The following SLC17A5 variants were observed in gnomAD, a reference collection of about 807,000 sequenced individuals.
SLC17A5 encodes the protein solute carrier family 17 member 5, also known as sialin.
A neutral mutation model predicts 59.4 loss-of-function variants in SLC17A5; 47 were observed. The observed-to-expected ratio is 0.79, with a 90% CI of 0.63 to 1.01. The LOEUF is 1.01. SLC17A5 is among the 50% of genes least tolerant of loss of function. The pLI, the probability that SLC17A5 is intolerant of heterozygous loss-of-function variation, is 0.00. For synonymous variants in SLC17A5, 202 were observed against 210.7 expected (o/e 0.96, Z 0.36); for missense variants, 522 against 595.5 (o/e 0.88, Z 1.28).
At chr6:73,634,486 G>A (rs1371407577) in intron 6 of SLC17A5, among the ~76,000 whole-genome samples, 2 of 152,158 alleles carry the variant, frequency 1.3e-5, no homozygotes, top group Non-Finnish European at 2.9e-5. Context: ...TGCAACCTCT[G>A]CCTCCTGGGT....
intron 3 of SLC17A5, 96 bp downstream of exon 3, chr6:73,641,595 T>G: frequency 1.1e-6 from 1 of 894,768 alleles, no homozygotes; most frequent in South Asian, 1.7e-5. Flanking sequence ...TCCAACGTTA[T>G]TTTTTGGTTC....
chr6:73,624,201 C>T (rs1215729622), intron 6 of SLC17A5, among the ~76,000 whole-genome samples: 1 of 151,034 alleles, frequency 6.6e-6, no homozygotes, highest in East Asian at 2.0e-4. Context: ...GCCAACAGTT[C>T]GAGACCAACC....
rs1465386173 is a variant in SLC17A5 at position 73,602,469 on chromosome 6, C to CAAA, written c.1260-2031_1260-2029dup. Among the ~76,000 whole-genome samples, 27 of 151,532 alleles carry CAAA rather than the reference C, an allele frequency of 1.8e-4. No individual in the cohort carries two copies. The East Asian group carries it at 2.3e-3, about 13-fold the overall frequency. ...TAAAAATTAACAACAACAACAACAA[C>CAAA]AAAAAACATTAACATTAGAGGAAGG... is the stretch of plus-strand genomic sequence containing the variant. On this transcript the variant is annotated intron_variant, in intron 9 of 10. Transcript: ENST00000355773.
chr6:73,616,614 T>C (rs1250747470), intron 7 of SLC17A5, among the ~76,000 whole-genome samples: 2 of 151,466 alleles, frequency 1.3e-5, no homozygotes, highest in Non-Finnish European at 2.9e-5. Flanking sequence ...AGTCTTTTTT[T>C]TTTTTTTCTT....
chr6:73,628,685 A>G (rs1460000351), intron 6 of SLC17A5, among the ~76,000 whole-genome samples: 1 of 152,026 alleles, frequency 6.6e-6, no homozygotes, highest in African/African-American at 2.4e-5. Flanking sequence ...GATTTAAATG[A>G]TAATGGAATT....
chr6:73,615,946 T>C (rs1380660509), intron 7 of SLC17A5, among the ~76,000 whole-genome samples: 1 of 127,502 alleles, frequency 7.8e-6, no homozygotes, highest in Non-Finnish European at 1.6e-5. Context: ...AGTACAGGGG[T>C]GTGATCTCGA....
intron 4 of SLC17A5, among the ~76,000 whole-genome samples, chr6:73,637,707 C>T (rs955487204): frequency 1.1e-4 from 17 of 152,212 alleles, no homozygotes; most frequent in African/African-American, 4.1e-4. Context: ...CTGAAATGCT[C>T]TTCTCCCTGC....
intron 9 of SLC17A5, among the ~76,000 whole-genome samples, chr6:73,601,582 A>C: frequency 1.3e-5 from 1 of 79,150 alleles, no homozygotes. Context: ...GGCCGCCCCT[A>C]CTGGGAAGTG....
chr6:73,640,732 G>A (rs1769236224), intron 3 of SLC17A5, among the ~76,000 whole-genome samples: 1 of 152,098 alleles, frequency 6.6e-6, no homozygotes, highest in African/African-American at 2.4e-5. Flanking sequence ...TATTAAGTAT[G>A]GGGGTACACA....
At chr6:73,650,142 C>A (rs1249584765) in intron 1 of SLC17A5, among the ~76,000 whole-genome samples, 1 of 147,848 alleles carries the variant, frequency 6.8e-6, no homozygotes, top group Non-Finnish European at 1.5e-5. Flanking sequence ...AGGAGGATCA[C>A]TTGAGCCCAG....
At chr6:73,599,055 G>A (rs1444311447) in intron 10 of SLC17A5, among the ~76,000 whole-genome samples, 1 of 151,942 alleles carries the variant, frequency 6.6e-6, no homozygotes. Flanking sequence ...GGTGGTGAGT[G>A]CCTGTAGTTC....
rs79052801 is a variant in SLC17A5, at chr6:73,622,235, C to G, written c.820-273G>C. Among the ~76,000 whole-genome samples the G allele has an allele frequency of 1.9e-3, 283 of 151,862 alleles. 4 individuals are homozygous for G. Among genetic ancestry groups the G allele is most frequent in the East Asian group, 0.015 (78 of 5,172 alleles). On this transcript the variant is annotated intron_variant, in intron 6 of 10. Transcript: ENST00000355773. ...GTATTCGTAGAGCTATAATGTCAAC[C>G]CTAAACATTCTTTATGAATGTCAGA... is the stretch of plus-strand genomic sequence containing the variant.
At chr6:73,645,919 T>C (rs1769538541) in intron 1 of SLC17A5, among the ~76,000 whole-genome samples, 1 of 152,138 alleles carries the variant, frequency 6.6e-6, no homozygotes, top group African/African-American at 2.4e-5. Context: ...TCTTTTTTCT[T>C]CTTTTATTGA....
chr6:73,646,435 C>T (rs1313871849), intron 1 of SLC17A5, among the ~76,000 whole-genome samples: 1 of 151,958 alleles, frequency 6.6e-6, no homozygotes, highest in East Asian at 1.9e-4. Context: ...TAACAGGAAA[C>T]TTTTCATTTG....
chr6:73,604,465 C>T (rs537568476), intron 9 of SLC17A5, among the ~76,000 whole-genome samples: 7 of 152,084 alleles, frequency 4.6e-5, no homozygotes, highest in Non-Finnish European at 8.8e-5. Flanking sequence ...ATTTTGGGGC[C>T]GGGTGTGGTG....
intron 10 of SLC17A5, among the ~76,000 whole-genome samples, chr6:73,596,049 A>C (rs537456758): frequency 1.7e-4 from 25 of 151,298 alleles, no homozygotes; most frequent in African/African-American, 6.1e-4. Context: ...CAAGTGATCC[A>C]CTCGCCTCAG....
At position 73,600,456 on chromosome 6, in the gene SLC17A5, T is replaced by C. The variant is rs762738311; in HGVS notation, c.1260-15A>G. ...TACCAGCATACCTGTAGAAACATTT[T>C]CATAGACGTTTATTATTGTGATACA... is the stretch of plus-strand genomic sequence containing the variant. On this transcript the variant is annotated splice_polypyrimidine_tract_variant and intron_variant, in intron 9 of 10. Transcript: ENST00000355773. 5.7e-6 allele frequency: 9 copies of C among 1,583,748 alleles called. No homozygotes were observed. The South Asian group carries it at 1.0e-4, about 18-fold the overall frequency.
rs1287309075 is a variant in SLC17A5, at chr6:73,614,681, C to T, written c.1111+634G>A. 3.9e-5 allele frequency among the ~76,000 whole-genome samples: 6 copies of T among 152,260 alleles called. No individual in the cohort carries two copies. The South Asian group carries it at 8.3e-4, about 21-fold the overall frequency. On this transcript the variant is annotated intron_variant, in intron 8 of 10. Transcript: ENST00000355773. ...GGCCAATGATTTAATCAATCATACA[C>T]ATTTAACGAAGTCTCCATACAAACT...
chr6:73,593,774 C>T lies in SLC17A5; in HGVS notation c.*1303G>A, dbSNP rs1463789478. 3 of 152,020 alleles carry T rather than the reference C, an allele frequency of 2.0e-5. No individual in the cohort carries two copies. The highest frequency in any genetic ancestry group is 2.9e-5 in the Non-Finnish European group (2 of 67,986). 9.4% of individuals were successfully genotyped at this position (152,020 alleles called of 1,614,324 possible). On this transcript the variant is annotated 3_prime_UTR_variant, in exon 11 of 11. Transcript: ENST00000355773. ...AAAAAATTCTCGTGTAGCTTAAAAA[C>T]ATAGAACAGGCTGGGCACAGTGGCT...
Sources: gnomAD v4.1 joint callset for allele counts (sites outside exome capture counted in the v4.1 genomes callset) on GRCh38, gnomAD v4.1.1 for gene constraint, MANE v1.5 for transcripts, NCBI Gene and HGNC (gene_info 2026-07-23, HGNC 2026-07-21) for gene names.